The following FAM78B variants were observed in gnomAD, a reference collection of about 807,000 sequenced individuals.
The protein encoded by FAM78B is family with sequence similarity 78 member B, also known as protein FAM78B.
FAM78B carries 10 observed loss-of-function variants against 20.0 expected under a neutral mutation model. The observed-to-expected ratio is 0.50, with a 90% CI of 0.31 to 0.85. The LOEUF (loss-of-function observed/expected upper bound fraction) is 0.85, where lower values mean the gene tolerates loss of function less well. Among genes scored for constraint, FAM78B ranks in the 40% least tolerant of loss-of-function variants. The probability of loss-of-function intolerance (pLI) is 0.05; values close to 1 mark genes in which losing one functional copy is unlikely to be tolerated. For synonymous variants in FAM78B, 135 were observed against 132.8 expected (o/e 1.02, Z -0.12); for missense variants, 283 against 345.0 (o/e 0.82, Z 1.42).
intron 1 of FAM78B, among the ~76,000 whole-genome samples, chr1:166,116,268 G>A (rs982005873): frequency 6.6e-6 from 1 of 152,156 alleles, no homozygotes; most frequent in Non-Finnish European, 1.5e-5. Context: ...CATTCTCTCT[G>A]ACCAGAACCA....
intron 1 of FAM78B, among the ~76,000 whole-genome samples, chr1:166,102,512 G>T (rs1487909371): frequency 6.6e-6 from 1 of 152,112 alleles, no homozygotes; most frequent in Non-Finnish European, 1.5e-5. Flanking sequence ...GATGGAGGAA[G>T]ATCTACCAAG....
At chr1:166,163,964 C>G (rs543375780) in intron 1 of FAM78B, among the ~76,000 whole-genome samples, 20 of 152,304 alleles carry the variant, frequency 1.3e-4, no homozygotes, top group African/African-American at 4.6e-4. Context: ...GGGGAAGGGT[C>G]AGGAATCCTG....
chr1:166,056,363 C>G (rs1050694011), downstream of FAM78B, among the ~76,000 whole-genome samples: 1 of 152,030 alleles, frequency 6.6e-6, no homozygotes, highest in Admixed American at 6.6e-5. Flanking sequence ...AACTGTGGAC[C>G]CCACAGAAGG....
chr1:166,123,349 C>T (rs754702703), intron 1 of FAM78B, among the ~76,000 whole-genome samples: 33 of 152,352 alleles, frequency 2.2e-4, no homozygotes, highest in African/African-American at 7.2e-4. Flanking sequence ...GCTCCCATAA[C>T]GGTGTTTCTC....
intron 1 of FAM78B, among the ~76,000 whole-genome samples, chr1:166,090,782 C>T (rs777784235): frequency 6.6e-6 from 1 of 152,160 alleles, no homozygotes; most frequent in Non-Finnish European, 1.5e-5. Context: ...GACATGTCAT[C>T]AGGGGCAGCA....
intron 1 of FAM78B, among the ~76,000 whole-genome samples, chr1:166,103,466 A>G (rs902302013): frequency 6.6e-6 from 1 of 152,196 alleles, no homozygotes; most frequent in Non-Finnish European, 1.5e-5. Context: ...CAAGACTAAT[A>G]AAGAAGAAGA....
intron 1 of FAM78B, among the ~76,000 whole-genome samples, chr1:166,121,468 G>A (rs1340826892): frequency 2.6e-5 from 4 of 152,166 alleles, no homozygotes; most frequent in Admixed American, 2.6e-4. Flanking sequence ...GGCTGCCACT[G>A]AAGAATGGTC....
chr1:166,095,764 T>C (rs1653252417), intron 1 of FAM78B, among the ~76,000 whole-genome samples: 1 of 152,146 alleles, frequency 6.6e-6, no homozygotes, highest in Non-Finnish European at 1.5e-5. Flanking sequence ...GGTAGGTCTC[T>C]GGGACCTGAG....
At chr1:166,078,755 G>C (rs1652438173) in intron 1 of FAM78B, among the ~76,000 whole-genome samples, 1 of 152,066 alleles carries the variant, frequency 6.6e-6, no homozygotes, top group African/African-American at 2.4e-5. Context: ...CAGTTATGCA[G>C]GGACTCTACT....
Position 166,165,978 on chromosome 1 carries a change from TC to T in FAM78B, c.263+7del, listed in dbSNP as rs750308366. The stretch of plus-strand genomic sequence containing the variant: ...GTCCGCTCCCGTGCCGCGCGGCGAG[TC>T]GCTTACATGCCCAGGTCGCTGTAGG... On this transcript the variant is annotated splice_region_variant and intron_variant, in intron 1 of 1. Transcript: ENST00000354422. The T allele has an allele frequency of 2.5e-6, 4 of 1,612,628 alleles. No individual in the cohort carries two copies. The Admixed American group carries it at 6.7e-5, about 27-fold the overall frequency.
chr1:166,106,166 T>C (rs1192261433), intron 1 of FAM78B, among the ~76,000 whole-genome samples: 2 of 126,012 alleles, frequency 1.6e-5, no homozygotes, highest in African/African-American at 3.1e-5. Context: ...TGAGAACACA[T>C]GGACACAGGA....
intron 1 of FAM78B, among the ~76,000 whole-genome samples, chr1:166,121,010 C>T (rs1214273958): frequency 6.6e-6 from 1 of 152,210 alleles, no homozygotes; most frequent in African/African-American, 2.4e-5. Flanking sequence ...AGTGACCTTT[C>T]TTGATCTCAT....
intron 1 of FAM78B, among the ~76,000 whole-genome samples, chr1:166,076,490 A>G (rs923312730): frequency 1.3e-5 from 2 of 152,088 alleles, no homozygotes; most frequent in South Asian, 2.1e-4. Context: ...CCTAACAACC[A>G]TATTTAAAAT....
chr1:166,073,521 CCTTT>C (rs58336033), intron 1 of FAM78B, among the ~76,000 whole-genome samples: 4 of 147,516 alleles, frequency 2.7e-5, no homozygotes, highest in East Asian at 1.9e-4. Flanking sequence ...TCGCTCCCTT[CCTTT>C]CTCTTTCTCT....
intron 1 of FAM78B, among the ~76,000 whole-genome samples, chr1:166,142,989 G>C (rs1226595549): frequency 6.6e-6 from 1 of 152,170 alleles, no homozygotes; most frequent in Non-Finnish European, 1.5e-5. Context: ...GAGCCCAGTG[G>C]TTATGAGTGT....
chr1:166,094,991 T>C (rs1653221969), intron 1 of FAM78B, among the ~76,000 whole-genome samples: 1 of 152,176 alleles, frequency 6.6e-6, no homozygotes, highest in South Asian at 2.1e-4. Context: ...AAGAGACTTG[T>C]CTAAGGTGAC....
intron 1 of FAM78B, among the ~76,000 whole-genome samples, chr1:166,100,641 G>A (rs1181214632): frequency 1.3e-5 from 2 of 152,252 alleles, no homozygotes; most frequent in African/African-American, 4.8e-5. Context: ...AGCAAGGCTG[G>A]GGGAGGGGCG....
chr1:166,133,056 G>A (rs1315119795), intron 1 of FAM78B, among the ~76,000 whole-genome samples: 1 of 152,212 alleles, frequency 6.6e-6, no homozygotes, highest in Admixed American at 6.5e-5. Flanking sequence ...GGAAAGGTAT[G>A]AGTTGTTCAT....
At chr1:166,109,814 G>GTATATATATATATA (rs201957585) in intron 1 of FAM78B, among the ~76,000 whole-genome samples, 1 of 32,648 alleles carries the variant, frequency 3.1e-5, no homozygotes, top group African/African-American at 9.8e-5. Flanking sequence ...ATGTATATAT[G>GTATATATATATATA]TATATATATA....
Sources: allele counts gnomAD v4.1 joint callset (sites outside exome capture counted in the v4.1 genomes callset), GRCh38; gene constraint gnomAD v4.1.1; transcripts MANE v1.5; gene names NCBI Gene and HGNC (gene_info 2026-07-23, HGNC 2026-07-21).